The following VASH1 variants were observed in gnomAD, a reference collection of about 807,000 sequenced individuals.
VASH1 encodes tubulinyl-Tyr carboxypeptidase 1.
Under a neutral mutation model 35.0 loss-of-function variants are expected in VASH1, and 16 were observed. The observed-to-expected ratio is 0.46, with a 90% CI of 0.31 to 0.70. VASH1 has a LOEUF of 0.70. VASH1 is among the 30% of genes least tolerant of loss of function. The pLI, the probability that VASH1 is intolerant of heterozygous loss-of-function variation, is 0.05. For missense variants in VASH1, 505 were observed against 510.7 expected, an observed-to-expected ratio of 0.99 and a Z score of 0.11; for synonymous variants, 214 against 200.9, an observed-to-expected ratio of 1.07 and a Z score of -0.55.
intron 5 of VASH1, 48 bp from the exon 6 acceptor site, chr14:76,777,911 T>C (rs1893987698): frequency 7.3e-7 from 1 of 1,368,228 alleles, no homozygotes. Flanking sequence ...GAGGTTGGGC[T>C]CCAGGGCAGT....
At chr14:76,773,373 A>AC (rs1566685119) in intron 4 of VASH1, 162 bp downstream of exon 4, 2 of 676,686 alleles carry the variant, frequency 3.0e-6, no homozygotes, top group South Asian at 2.1e-5. Context: ...AAGTGGAAGA[A>AC]CCCCCCAAAA....
chr14:76,774,472 G>T (rs926309657), intron 4 of VASH1: 4 of 152,220 alleles, frequency 2.6e-5, no homozygotes, highest in African/African-American at 9.7e-5. Flanking sequence ...AGAGAGACTG[G>T]TCCTTTTCCC....
Position 76,777,952 on chromosome 14 carries a change from C to A in VASH1, c.913-7C>A. The A allele has an allele frequency of 6.7e-7, 1 of 1,502,204 alleles. No individual in the cohort carries two copies. Among genetic ancestry groups the A allele is most frequent in the African/African-American group, 1.4e-5 (1 of 69,930 alleles). The allele number at this position is 1,502,204 out of a possible 1,614,324, so 93.1% of individuals were successfully genotyped here. On this transcript the variant is annotated splice_region_variant and splice_polypyrimidine_tract_variant and intron_variant, in intron 5 of 6. Transcript: ENST00000167106. ...AGTGATGCTGTTGCTTCCTCCTCTG[C>A]ACCTAGATTGGCAAAGGGACGGGCC...
At chr14:76,778,730 C>T (rs928194380) in intron 6 of VASH1, among the ~76,000 whole-genome samples, 5 of 152,226 alleles carry the variant, frequency 3.3e-5, no homozygotes, top group South Asian at 2.1e-4. Context: ...CCTCCAGCAG[C>T]GAGAAAGCCT....
chr14:76,767,426 G>A (rs1009029206), intron 1 of VASH1, among the ~76,000 whole-genome samples: 6 of 152,152 alleles, frequency 3.9e-5, no homozygotes, highest in Admixed American at 3.3e-4. Flanking sequence ...AGGCCTCATT[G>A]TGTTCGATTG....
chr14:76,765,098 C>A (rs1216628358), intron 1 of VASH1, among the ~76,000 whole-genome samples: 1 of 152,124 alleles, frequency 6.6e-6, no homozygotes, highest in Non-Finnish European at 1.5e-5. Context: ...CCCACGTGAA[C>A]AAGTCGGGCA....
chr14:76,769,983 T>G lies in VASH1; in HGVS notation c.330T>G (p.Pro110=), dbSNP rs1893747027. The part of the protein sequence containing the change: ...DLPKIPIPSV[P]TFQPSTPVPE... ...CCCAGATCCCCATACCGAGTGTGCC[T>G]ACGTTCCAGCCGTCTACACCTGTCC... The change falls in exon 2 of 7, where the codon CCT becomes CCG. Residue 110 remains proline, a synonymous_variant. Coordinates refer to ENST00000167106, the MANE Select transcript of VASH1 (RefSeq NM_014909.5). 1 of 1,613,772 alleles carries G rather than the reference T, an allele frequency of 6.2e-7. No individual in the cohort carries two copies. The highest frequency in any genetic ancestry group is 8.5e-7 in the Non-Finnish European group (1 of 1,179,876).
At position 76,761,968 on chromosome 14, in the gene VASH1, G is replaced by T. The variant is rs1315697831; in HGVS notation, c.-854G>T. Reference sequence around the variant, plus strand: ...TGCGATGGCTCGGCTGGTGCAGCGCGGCGCCAGGTGCCAGCCGTCCTCCCG... The same window carrying T: ...TGCGATGGCTCGGCTGGTGCAGCGCTGCGCCAGGTGCCAGCCGTCCTCCCG... On this transcript the variant is annotated 5_prime_UTR_variant, in exon 1 of 7. Coordinates refer to ENST00000167106, the MANE Select transcript of VASH1 (RefSeq NM_014909.5). Among the ~76,000 whole-genome samples, 2 of 151,970 alleles carry T rather than the reference G, an allele frequency of 1.3e-5. No homozygotes were observed. Among genetic ancestry groups the T allele is most frequent in the Non-Finnish European group, 2.9e-5 (2 of 67,936 alleles).
intron 3 of VASH1, among the ~76,000 whole-genome samples, chr14:76,772,745 G>A (rs1019786648): frequency 2.6e-5 from 4 of 152,222 alleles, no homozygotes; most frequent in Non-Finnish European, 5.9e-5. Flanking sequence ...CTTCAGAAGG[G>A]AAGAGATCGA....
In VASH1 at chr14:76,776,131, T is replaced by G. The variant is rs1212804862; in HGVS notation, c.770T>G (p.Val257Gly). The change falls in exon 5 of 7, where the codon GTG becomes GGG. Residue 257 changes from valine to glycine, a missense_variant. Physicochemically the swap from Val to Gly is moderately radical, Grantham distance 109. Coordinates refer to ENST00000167106, the MANE Select transcript of VASH1 (RefSeq NM_014909.5). ...YGRCWHVLKK[V>G]KLGQSVSHDP... is the part of the protein sequence containing the mutation. ...CGCTGCTGGCACGTGCTCAAGAAGG[T>G]GAAGCTGGGCCAGAGCGTGTCACAC... The G allele has an allele frequency of 6.2e-7, 1 of 1,609,950 alleles. No individual in the cohort carries two copies. The highest frequency in any genetic ancestry group is 1.1e-5 in the South Asian group (1 of 90,984).
intron 5 of VASH1, among the ~76,000 whole-genome samples, chr14:76,776,558 T>A (rs1893951467): frequency 6.6e-6 from 1 of 151,978 alleles, no homozygotes; most frequent in South Asian, 2.1e-4. Flanking sequence ...TCGGGTGCTG[T>A]GATGGGCAGC....
intron 1 of VASH1, among the ~76,000 whole-genome samples, chr14:76,766,390 A>C (rs1393681444): frequency 6.6e-6 from 1 of 152,058 alleles, no homozygotes; most frequent in Non-Finnish European, 1.5e-5. Context: ...GCTCCTGCAG[A>C]ATGGGAATTT....
rs766190055 is a variant in VASH1, at chr14:76,776,225, T to C, written c.864T>C (p.Asp288=). 6.2e-7 allele frequency: 1 copy of C among 1,608,498 alleles called. No individual in the cohort carries two copies. The highest frequency in any genetic ancestry group is 2.2e-5 in the East Asian group (1 of 44,838). ...TGGACGTGGAGCGCCTGGGCCGCGA[T>C]GACTTCCGCAAGGAGCTGGAGCGCC... ...SVLDVERLGR[D]DFRKELERHA... The change falls in exon 5 of 7, where the codon GAT becomes GAC. Residue 288 remains aspartate, a synonymous_variant. Coordinates refer to ENST00000167106, the MANE Select transcript of VASH1 (RefSeq NM_014909.5).
intron 3 of VASH1, among the ~76,000 whole-genome samples, 177 bp downstream of exon 3, chr14:76,771,423 G>A (rs541795909): frequency 1.1e-4 from 17 of 152,310 alleles, no homozygotes; most frequent in Non-Finnish European, 1.9e-4. Context: ...AGAAAAATCC[G>A]GCTGAGATGA....
intron 4 of VASH1, chr14:76,773,455 T>C (rs930800929): frequency 3.5e-5 from 19 of 537,006 alleles, no homozygotes; most frequent in Non-Finnish European, 5.6e-5. Flanking sequence ...GCAGCTCTTT[T>C]TTGAGTCACG....
Position 76,773,207 on chromosome 14 carries a change from G to C in VASH1, c.526G>C (p.Gly176Arg). 6.2e-7 allele frequency: 1 copy of C among 1,614,160 alleles called. No homozygotes were observed. The highest frequency in any genetic ancestry group is 8.5e-7 in the Non-Finnish European group (1 of 1,180,022). Residue 176 changes from glycine to arginine, a missense_variant, in exon 4 of 7, where the codon GGA becomes CGA. Coordinates refer to ENST00000167106, the MANE Select transcript of VASH1 (RefSeq NM_014909.5). The stretch of plus-strand genomic sequence containing the variant: ...CAAATGCCTGGAAGCCGTGATCCTG[G>C]GAATGTATCCTTCCTCACCTGAAGG... Reference protein sequence around the residue: ...PIKCLEAVILGIYLTNSMPTL... With the variant: ...PIKCLEAVILRIYLTNSMPTL...
chr14:76,769,139 C>A, intron 1 of VASH1: 1 of 349,900 alleles, frequency 2.9e-6, no homozygotes, highest in Non-Finnish European at 4.0e-6. Flanking sequence ...TGGGGGTCAG[C>A]TGTTCTTGAC....
chr14:76,769,552 C>G (rs571344389), intron 1 of VASH1: 5 of 1,183,726 alleles, frequency 4.2e-6, no homozygotes, highest in Admixed American at 2.5e-5. Flanking sequence ...GATGGGACCC[C>G]GGATATACCA....
At chr14:76,777,748 AG>A (rs1893983345) in intron 5 of VASH1, among the ~76,000 whole-genome samples, 1 of 152,166 alleles carries the variant, frequency 6.6e-6, no homozygotes, top group Non-Finnish European at 1.5e-5. Flanking sequence ...AGGAGCCCAC[AG>A]GGATTGGACA....
Sources: gnomAD v4.1 joint callset for allele counts (sites outside exome capture counted in the v4.1 genomes callset) on GRCh38, gnomAD v4.1.1 for gene constraint, MANE v1.5 for transcripts, NCBI Gene and HGNC (gene_info 2026-07-23, HGNC 2026-07-21) for gene names.